The following KANK3 variants were observed in gnomAD, a reference collection of about 807,000 sequenced individuals.
KANK3 encodes the protein KN motif and ankyrin repeat domain-containing protein 3.
Under a neutral mutation model 65.4 loss-of-function variants are expected in KANK3, and 61 were observed. The observed-to-expected ratio is 0.93, with a 90% CI of 0.76 to 1.15. The LOEUF (loss-of-function observed/expected upper bound fraction) is 1.15. KANK3 is among the 50% of genes most tolerant of loss of function. The probability of loss-of-function intolerance (pLI) is 0.00; values close to 1 mark genes in which losing one functional copy is unlikely to be tolerated. For synonymous variants in KANK3, 586 were observed against 543.3 expected, an observed-to-expected ratio of 1.08 and a Z score of -1.09; for missense variants, 1,187 against 1,178.8, an observed-to-expected ratio of 1.01 and a Z score of -0.10.
intron 10 of KANK3, among the ~76,000 whole-genome samples, chr19:8,323,932 C>T (rs1211862391): frequency 6.6e-6 from 1 of 152,172 alleles, no homozygotes; most frequent in South Asian, 2.1e-4. Context: ...GACCCCCTTC[C>T]CCACCCTGCC....
chr19:8,340,291 T>TATATATATATATATATATATATACATAC (rs1472181365), intron 1 of KANK3, among the ~76,000 whole-genome samples: 1 of 92,870 alleles, frequency 1.1e-5, no homozygotes, highest in African/African-American at 4.4e-5. Context: ...TATATATATA[T>TATATATATATATATATATATATACATAC]ACACACACAC....
In KANK3 at chr19:8,333,003, T is replaced by A; in HGVS notation, c.1936+11A>T. 1 of 121,194 alleles carries A rather than the reference T, an allele frequency of 8.3e-6. No homozygotes were observed. The highest frequency in any genetic ancestry group is 1.7e-5 in the Non-Finnish European group (1 of 57,912). 7.5% of individuals were successfully genotyped at this position (121,194 alleles called of 1,614,324 possible). On this transcript the variant is annotated intron_variant, in intron 7 of 10. Coordinates refer to ENST00000330915, the MANE Select transcript of KANK3 (RefSeq NM_198471.3). This position sits in a 1 kb window ranked among gnomAD's most constrained non-coding sequence, Gnocchi z 5.0. The stretch of plus-strand genomic sequence containing the variant: ...TTCCTGGTGTCCCACCCACCCTCCC[T>A]TGGCTCTGACCCGTATCCAGGAGCA...
Position 8,334,567 on chromosome 19 carries a change from C to T in KANK3, c.1260G>A (p.Glu420=). Reference sequence around the variant, plus strand: ...AGCTCTCCTGAGTCAAGGAGGGCGCCTCTGCCGGGGACTCGGTCTGCGCGG... The same window carrying T: ...AGCTCTCCTGAGTCAAGGAGGGCGCTTCTGCCGGGGACTCGGTCTGCGCGG... ...EKAAQTESPA[E]APSLTQESSP... The change falls in exon 3 of 11, where the codon GAG becomes GAA. Residue 420 remains glutamate, a synonymous_variant. Coordinates refer to ENST00000330915, the MANE Select transcript of KANK3 (RefSeq NM_198471.3). The T allele has an allele frequency of 6.3e-7, 1 of 1,598,774 alleles. No homozygotes were observed. Among genetic ancestry groups the T allele is most frequent in the Non-Finnish European group, 8.5e-7 (1 of 1,178,710 alleles).
intron 7 of KANK3, among the ~76,000 whole-genome samples, chr19:8,327,426 T>C (rs1315739597): frequency 6.6e-6 from 1 of 151,814 alleles, no homozygotes; most frequent in Non-Finnish European, 1.5e-5. Context: ...GGTCAAGAGA[T>C]CAAGACCATC....
chr19:8,335,598 G>C lies in KANK3; in HGVS notation c.229C>G (p.Arg77Gly), dbSNP rs1459446639. 10 of 1,230,344 alleles carry C rather than the reference G, an allele frequency of 8.1e-6. No homozygotes were observed. The highest frequency in any genetic ancestry group is 1.0e-5 in the Non-Finnish European group (10 of 982,166). 76.2% of individuals were successfully genotyped at this position (1,230,344 alleles called of 1,614,324 possible). A position where few individuals can be genotyped will look rare whatever the true frequency, so the allele number is the denominator to read the frequency against. The change falls in exon 3 of 11, where the codon CGG (arginine) becomes GGG (glycine). Residue 77 changes from arginine to glycine, a missense_variant. Arg to Gly is a moderately radical substitution (Grantham distance 125). Coordinates refer to ENST00000330915, the MANE Select transcript of KANK3 (RefSeq NM_198471.3). ...PPTSRRPRAP[R>G]PGLAGARSPG... is the part of the protein sequence containing the mutation. ...CTACGTGCGCCCGCGAGGCCGGGCC[G>C]GGGCGCGCGGGGACGGCGCGAGGTC...
Position 8,337,821 on chromosome 19 carries a change from T to G in KANK3, c.8A>C (p.Lys3Thr). ...GGGCAGGTTCTGATTCAGGGCAAACTTGGCCATGTTTCCTGCAGCAGCTGT... is the reference window on the plus strand; with the variant it reads ...GGGCAGGTTCTGATTCAGGGCAAACGTGGCCATGTTTCCTGCAGCAGCTGT... MA[K>T]FALNQNLPDL... The change falls in exon 2 of 11, where the codon AAG (lysine) becomes ACG (threonine). Residue 3 changes from lysine (K) to threonine (T), a missense_variant. Physicochemically the swap from Lys to Thr is moderately conservative, Grantham distance 78. Around this residue, in one of 3 missense-constraint regions of KANK3, gnomAD observed 104 missense variants for 122.1 expected, o/e 0.85. Transcript: ENST00000330915. 1 of 1,613,486 alleles carries G rather than the reference T, an allele frequency of 6.2e-7. No homozygotes were observed. Among genetic ancestry groups the G allele is most frequent in the Non-Finnish European group, 8.5e-7 (1 of 1,179,972 alleles).
chr19:8,322,930 GA>G lies in KANK3; in HGVS notation c.2383-9del. On this transcript the variant is annotated splice_polypyrimidine_tract_variant and intron_variant, in intron 10 of 10. Transcript: ENST00000330915. ...GCCAGGGGGTGACTCGCTCTGGAGA[GA>G]GGGGAAAAGAGGGGGGCCTGCTGCA... 2 of 1,413,864 alleles carry G rather than the reference GA, an allele frequency of 1.4e-6. No homozygotes were observed. Among genetic ancestry groups the G allele is most frequent in the Non-Finnish European group, 1.9e-6 (2 of 1,048,770 alleles). 87.6% of individuals were successfully genotyped at this position (1,413,864 alleles called of 1,614,324 possible). A position where few individuals can be genotyped will look rare whatever the true frequency, so the allele number is the denominator to read the frequency against.
rs1192587621 is a variant in KANK3 at position 8,334,364 on chromosome 19, G to A, written c.1383C>T (p.Ser461=). 1 of 1,614,160 alleles carries A rather than the reference G, an allele frequency of 6.2e-7. No homozygotes were observed. Among genetic ancestry groups the A allele is most frequent in the Non-Finnish European group, 8.5e-7 (1 of 1,180,014 alleles). Residue 461 remains serine, a synonymous_variant, in exon 4 of 11, where the codon AGC becomes AGT. Coordinates refer to ENST00000330915, the MANE Select transcript of KANK3 (RefSeq NM_198471.3). ...CAAACTGCAGGCTCTTGGGTCCGGA[G>A]CTGGGTTGGGCACCAGGTGTGCCGT... ...KRDGTPGAQP[S]SGPKSLQFVG...
chr19:8,334,939 C>T lies in KANK3; in HGVS notation c.888G>A (p.Gly296=). 1 of 1,484,618 alleles carries T rather than the reference C, an allele frequency of 6.7e-7. No individual in the cohort carries two copies. Among genetic ancestry groups the T allele is most frequent in the Non-Finnish European group, 8.9e-7 (1 of 1,127,490 alleles). The allele number at this position is 1,484,618 out of a possible 1,614,324, so 92.0% of individuals were successfully genotyped here. Residue 296 remains glycine (G), a synonymous_variant, in exon 3 of 11, where the codon GGG becomes GGA. Transcript: ENST00000330915. ...CGGCCACCTCCCGGGTCTGGGGCGTCCCATCGAGACTCCCGACCTCCCCGT... is the reference window on the plus strand; with the variant it reads ...CGGCCACCTCCCGGGTCTGGGGCGTTCCATCGAGACTCCCGACCTCCCCGT... ...VLDGEVGSLD[G]TPQTREVAAE...
intron 7 of KANK3, among the ~76,000 whole-genome samples, chr19:8,331,804 C>T (rs768950499): frequency 1.1e-4 from 17 of 151,994 alleles, no homozygotes; most frequent in Non-Finnish European, 1.9e-4. Context: ...TCTCGTACTA[C>T]CTGTATTATC....
intron 7 of KANK3, among the ~76,000 whole-genome samples, chr19:8,327,781 G>C (rs2145417604): frequency 6.6e-6 from 1 of 152,294 alleles, no homozygotes; most frequent in South Asian, 2.1e-4. Flanking sequence ...CTGTAAAAAG[G>C]GGTTGGGGGG....
chr19:8,333,229 C>A lies in KANK3; in HGVS notation c.1721G>T (p.Gly574Val). 6.2e-7 allele frequency: 1 copy of A among 1,609,238 alleles called. No homozygotes were observed. Among genetic ancestry groups the A allele is most frequent in the Non-Finnish European group, 8.5e-7 (1 of 1,178,750 alleles). The stretch of plus-strand genomic sequence containing the variant: ...CTCCTGGGCCACGAGGCGCACTGCG[C>A]CCTGCAAGGGACAGGGGCCAAGATA... ...SRPRGVASDG[G>V]AVRLVAQEWF... The change falls in exon 7 of 11, where the codon GGC becomes GTC. Residue 574 changes from glycine to valine, a missense_variant and splice_region_variant. Gly to Val is a moderately radical substitution (Grantham distance 109). Transcript: ENST00000330915. This position sits in a 1 kb window ranked among gnomAD's most constrained non-coding sequence, Gnocchi z 5.0.
rs1393656058 is a variant in KANK3, at chr19:8,324,557, G to A, written c.2284-10C>T. Reference sequence around the variant, plus strand: ...GGGCACTGGTGCCCTCCTGTGGAACGTTAGGGACAGTCAGATCCCTGAGCC... The same window carrying A: ...GGGCACTGGTGCCCTCCTGTGGAACATTAGGGACAGTCAGATCCCTGAGCC... On this transcript the variant is annotated splice_polypyrimidine_tract_variant and intron_variant, in intron 9 of 10. Transcript: ENST00000330915. The A allele has an allele frequency of 1.2e-6, 2 of 1,613,364 alleles. No homozygotes were observed. The highest frequency in any genetic ancestry group is 1.7e-6 in the Non-Finnish European group (2 of 1,179,504).
intron 1 of KANK3, among the ~76,000 whole-genome samples, chr19:8,339,275 C>T (rs895243976): frequency 1.2e-4 from 18 of 152,050 alleles, no homozygotes; most frequent in African/African-American, 3.9e-4. Context: ...GAAATCTCAG[C>T]ACTCTGGGAA....
chr19:8,341,248 C>G (rs1013589872), intron 1 of KANK3, among the ~76,000 whole-genome samples: 1 of 143,122 alleles, frequency 7.0e-6, no homozygotes, highest in Non-Finnish European at 1.5e-5. Context: ...TTTTTAGAGG[C>G]AATGTCTCGC....
chr19:8,342,039 G>C (rs549031112), intron 1 of KANK3, among the ~76,000 whole-genome samples: 7 of 152,270 alleles, frequency 4.6e-5, no homozygotes, highest in Non-Finnish European at 8.8e-5. Flanking sequence ...TGTCACCCAG[G>C]CTGGAGTGCA....
At chr19:8,330,107 G>A (rs1970497994) in intron 7 of KANK3, among the ~76,000 whole-genome samples, 1 of 152,176 alleles carries the variant, frequency 6.6e-6, no homozygotes, top group South Asian at 2.1e-4. Flanking sequence ...GTTTGAGAAG[G>A]AAGAGGGTGA....
At position 8,333,996 on chromosome 19, in the gene KANK3, C is replaced by G. The variant is rs1304672045; in HGVS notation, c.1548G>C (p.Ser516=). The change falls in exon 5 of 11, where the codon TCG becomes TCC. Residue 516 remains serine (S), a synonymous_variant. Coordinates refer to ENST00000330915, the MANE Select transcript of KANK3 (RefSeq NM_198471.3). The surrounding 1 kb of genome is among the most constrained non-coding windows in gnomAD (Gnocchi z 5.0). The stretch of plus-strand genomic sequence containing the variant: ...CGCCGCTGGGAGGGCCAGGGGTGCC[C>G]GAGTCGGATCCCCCGCCGCTGTCAT... ...SGDDSGGGSD[S]GTPGPPSGGD... The G allele has an allele frequency of 1.3e-6, 2 of 1,558,780 alleles. No individual in the cohort carries two copies. The highest frequency in any genetic ancestry group is 1.2e-5 in the South Asian group (1 of 85,864).
chr19:8,332,336 C>G (rs1437861471), intron 7 of KANK3, among the ~76,000 whole-genome samples: 1 of 151,886 alleles, frequency 6.6e-6, no homozygotes, highest in African/African-American at 2.4e-5. Context: ...TACCACCACA[C>G]CCAGCTAATT....
Sources: gnomAD v4.1 joint callset for allele counts (sites outside exome capture counted in the v4.1 genomes callset) on GRCh38, gnomAD v4.1.1 for gene constraint, gnomAD v4.1.1 regional missense constraint, Gnocchi (gnomAD v3.1) non-coding constraint, MANE v1.5 for transcripts, NCBI Gene and HGNC (gene_info 2026-07-23, HGNC 2026-07-21) for gene names.